CRPPA: variants seen among roughly 807,000 people sequenced by gnomAD.
CRPPA encodes CDP-L-ribitol pyrophosphorylase A, also known as D-ribitol-5-phosphate cytidylyltransferase.
CRPPA carries 43 observed loss-of-function variants against 52.0 expected under a neutral mutation model. The ratio of observed to expected loss-of-function variants is 0.83; its 90% CI spans 0.65 to 1.07. The LOEUF is 1.07. Ranked by LOEUF, CRPPA falls within the 50% of genes least tolerant of loss-of-function variation. The pLI, the probability that CRPPA is intolerant of heterozygous loss-of-function variation, is 0.00. For missense variants in CRPPA, 629 were observed against 551.7 expected, an observed-to-expected ratio of 1.14 and a Z score of -1.40; for synonymous variants, 250 against 203.5, an observed-to-expected ratio of 1.23 and a Z score of -1.94.
intron 2 of CRPPA, among the ~76,000 whole-genome samples, chr7:16,386,330 A>T (rs1283809330): frequency 1.3e-5 from 2 of 152,024 alleles, no homozygotes; most frequent in Non-Finnish European, 2.9e-5. Context: ...TCTTCTGCTC[A>T]TGGAGCCTGG....
At chr7:16,388,323 G>T (rs1208508433) in intron 2 of CRPPA, among the ~76,000 whole-genome samples, 1 of 151,898 alleles carries the variant, frequency 6.6e-6, no homozygotes, top group Non-Finnish European at 1.5e-5. Flanking sequence ...ATGAGCCAAA[G>T]AAACCACTAG....
chr7:16,420,564 C>T (rs1464190752), intron 1 of CRPPA, among the ~76,000 whole-genome samples: 4 of 152,150 alleles, frequency 2.6e-5, no homozygotes, highest in Non-Finnish European at 5.9e-5. Context: ...TTAAATTCTG[C>T]TCCTCTCCCC....
chr7:16,254,845 G>GAGAA, intron 8 of CRPPA, among the ~76,000 whole-genome samples: 1 of 142,670 alleles, frequency 7.0e-6, no homozygotes, highest in Non-Finnish European at 1.5e-5. Context: ...AAGAAAGAAA[G>GAGAA]AGAAAGAAGA....
At chr7:16,177,538 C>A (rs982790799) in intron 9 of CRPPA, among the ~76,000 whole-genome samples, 1 of 151,980 alleles carries the variant, frequency 6.6e-6, no homozygotes, top group Middle Eastern at 3.4e-3. Flanking sequence ...TGTAATAACC[C>A]AGAGAACAAA....
chr7:16,089,126 AT>A lies in CRPPA; in HGVS notation c.*2568del, dbSNP rs1781760000. 4.1e-6 allele frequency: 1 copy of A among 245,656 alleles called. No homozygotes were observed. Among genetic ancestry groups the A allele is most frequent in the African/African-American group, 2.2e-5 (1 of 46,222 alleles). 15.2% of individuals were successfully genotyped at this position (245,656 alleles called of 1,614,324 possible). A position where few individuals can be genotyped will look rare whatever the true frequency, so the allele number is the denominator to read the frequency against. ...AAAATAGTGAAGGATGTGCAGATAT[AT>A]ATACATATAAAATACATATACATAA... On this transcript the variant is annotated 3_prime_UTR_variant, in exon 10 of 10. Coordinates refer to ENST00000407010, the MANE Select transcript of CRPPA (RefSeq NM_001101426.4).
rs1350825073 is a variant in CRPPA at position 16,342,794 on chromosome 7, T to TAGATAGATAG, written c.684+33297_684+33298insCTATCTATCT. 6.4e-5 allele frequency among the ~76,000 whole-genome samples: 4 copies of TAGATAGATAG among 62,778 alleles called. 1 individual carries two copies. Among genetic ancestry groups the TAGATAGATAG allele is most frequent in the Non-Finnish European group, 9.8e-5 (3 of 30,676 alleles). 41.2% of individuals were successfully genotyped at this position (62,778 alleles called of 152,430 possible). On this transcript the variant is annotated intron_variant, in intron 3 of 9. Transcript: ENST00000407010. ...AAAAAAAAAAAAAAATATATATATA[T>TAGATAGATAG]ATATCTATATAGATATATAGATATA...
Position 16,264,349 on chromosome 7 carries a change from C to T in CRPPA, c.934-5337G>A, listed in dbSNP as rs1479597556. Among the ~76,000 whole-genome samples, 5 of 152,090 alleles carry T rather than the reference C, an allele frequency of 3.3e-5. No homozygotes were observed. In the South Asian group the frequency reaches 1.0e-3, roughly 32 times the overall value. ...ATTTAAACAAAATTTAAAACAACTT[C>T]CAATGTGTTCAGTAAATTAAAGTAC... On this transcript the variant is annotated intron_variant, in intron 6 of 9. Transcript: ENST00000407010.
At chr7:16,229,580 T>C (rs568530741) in intron 8 of CRPPA, among the ~76,000 whole-genome samples, 2 of 152,132 alleles carry the variant, frequency 1.3e-5, no homozygotes, top group Non-Finnish European at 2.9e-5. Context: ...GTATTTTTCA[T>C]GTCACAATTT....
chr7:16,100,914 T>C (rs1397721845), intron 9 of CRPPA, among the ~76,000 whole-genome samples: 1 of 152,200 alleles, frequency 6.6e-6, no homozygotes, highest in Non-Finnish European at 1.5e-5. Flanking sequence ...GATAATCATG[T>C]GGTTTTTGTC....
chr7:16,170,512 G>A (rs572217860), intron 9 of CRPPA, among the ~76,000 whole-genome samples: 3 of 152,306 alleles, frequency 2.0e-5, no homozygotes, highest in East Asian at 1.9e-4. Flanking sequence ...CTCATAAAAC[G>A]CAGTGCTGAC....
At chr7:16,164,733 C>T (rs1013321840) in intron 9 of CRPPA, among the ~76,000 whole-genome samples, 3 of 152,132 alleles carry the variant, frequency 2.0e-5, no homozygotes, top group Non-Finnish European at 2.9e-5. Flanking sequence ...CTATTGTTTT[C>T]TGTTTGTTAG....
At chr7:16,331,295 G>A (rs185778385) in intron 3 of CRPPA, among the ~76,000 whole-genome samples, 1 of 152,094 alleles carries the variant, frequency 6.6e-6, no homozygotes, top group Non-Finnish European at 1.5e-5. Context: ...CACTGCACCT[G>A]GCCAGAAACG....
intron 2 of CRPPA, among the ~76,000 whole-genome samples, chr7:16,382,374 T>C (rs1315036967): frequency 6.6e-6 from 1 of 152,264 alleles, no homozygotes; most frequent in Non-Finnish European, 1.5e-5. Context: ...GTTAGTCTGA[T>C]GGGCTTCCCT....
At chr7:16,253,353 T>C (rs1783513874) in intron 8 of CRPPA, among the ~76,000 whole-genome samples, 1 of 152,216 alleles carries the variant, frequency 6.6e-6, no homozygotes, top group South Asian at 2.1e-4. Flanking sequence ...TGCCTTCATT[T>C]TGTTATTCAC....
At chr7:16,190,732 T>G (rs777305940) in intron 9 of CRPPA, among the ~76,000 whole-genome samples, 2 of 152,140 alleles carry the variant, frequency 1.3e-5, no homozygotes, top group African/African-American at 2.4e-5. Flanking sequence ...CAGTGTACAC[T>G]GCATCCAATG....
intron 2 of CRPPA, among the ~76,000 whole-genome samples, chr7:16,385,776 T>C (rs1316234933): frequency 2.0e-5 from 3 of 152,210 alleles, no homozygotes; most frequent in African/African-American, 4.8e-5. Context: ...GAGAGTTCCC[T>C]GACCCCCCCT....
chr7:16,245,611 C>G (rs747726749), intron 8 of CRPPA, among the ~76,000 whole-genome samples: 1 of 152,114 alleles, frequency 6.6e-6, no homozygotes, highest in Non-Finnish European at 1.5e-5. Flanking sequence ...ACACATTTTT[C>G]TATTAAGGTA....
intron 9 of CRPPA, among the ~76,000 whole-genome samples, chr7:16,117,742 T>C (rs1583368277): frequency 6.6e-6 from 1 of 152,344 alleles, no homozygotes; most frequent in Non-Finnish European, 1.5e-5. Context: ...ATTCCCACCA[T>C]CTTCCTTGTA....
At chr7:16,253,303 T>C (rs1261905140) in intron 8 of CRPPA, among the ~76,000 whole-genome samples, 1 of 152,246 alleles carries the variant, frequency 6.6e-6, no homozygotes, top group Non-Finnish European at 1.5e-5. Flanking sequence ...TGGCATGCGG[T>C]GTCTTTGTTC....
Sources: gnomAD v4.1 joint callset for allele counts (sites outside exome capture counted in the v4.1 genomes callset) on GRCh38, gnomAD v4.1.1 for gene constraint, MANE v1.5 for transcripts, NCBI Gene and HGNC (gene_info 2026-07-23, HGNC 2026-07-21) for gene names.